The following OTUD7A variants were observed in gnomAD, a reference collection of about 807,000 sequenced individuals.
OTUD7A encodes the protein OTU deubiquitinase 7A, also known as OTU domain-containing protein 7A.
A neutral mutation model predicts 65.7 loss-of-function variants in OTUD7A; 12 were observed. That is an observed-to-expected ratio of 0.18 (90% CI 0.12 to 0.30). The LOEUF (loss-of-function observed/expected upper bound fraction) is 0.30, where lower values mean the gene tolerates loss of function less well. Among genes scored for constraint, OTUD7A ranks in the 10% least tolerant of loss-of-function variants. OTUD7A has a pLI of 1.00. For synonymous variants in OTUD7A, 641 were observed against 586.3 expected (o/e 1.09, Z -1.35); for missense variants, 1,148 against 1,304.8 (o/e 0.88, Z 1.85).
At chr15:31,656,896 T>G (rs1892009332) in intron 2 of OTUD7A, 87 bp downstream of exon 2, 1 of 152,570 alleles carries the variant, frequency 6.6e-6, no homozygotes, top group African/African-American at 2.4e-5. Flanking sequence ...CTCAGAGACA[T>G]TCACTGTGAC....
At position 31,797,765 on chromosome 15, in the gene OTUD7A, C is replaced by T. The variant is rs145859249; in HGVS notation, c.-100+72742G>A. Among the ~76,000 whole-genome samples the T allele has an allele frequency of 1.5e-3, 225 of 152,356 alleles. 1 individual carries two copies. Among genetic ancestry groups the T allele is most frequent in the Middle Eastern group, 0.014 (4 of 294 alleles). On this transcript the variant is annotated intron_variant, in intron 1 of 12. Coordinates refer to ENST00000307050, the MANE Select transcript of OTUD7A (RefSeq NM_001382637.1). Reference sequence around the variant, plus strand: ...CGTGTTCCTATTGCCACTGCCCCAACGAGTGGTCCCTGTGTGTGCTGCTTC... The same window carrying T: ...CGTGTTCCTATTGCCACTGCCCCAATGAGTGGTCCCTGTGTGTGCTGCTTC...
intron 3 of OTUD7A, among the ~76,000 whole-genome samples, chr15:31,604,405 G>T (rs1311682149): frequency 6.6e-6 from 1 of 152,072 alleles, no homozygotes; most frequent in East Asian, 1.9e-4. Context: ...GAGAACACAT[G>T]GACACACAGA....
intron 1 of OTUD7A, among the ~76,000 whole-genome samples, chr15:31,776,476 C>A (rs1895383550): frequency 6.6e-6 from 1 of 152,094 alleles, no homozygotes; most frequent in Non-Finnish European, 1.5e-5. Context: ...GCACATGGCC[C>A]CTCCCGACTC....
chr15:31,583,535 C>G (rs1408578656), intron 3 of OTUD7A, among the ~76,000 whole-genome samples: 8 of 151,912 alleles, frequency 5.3e-5, no homozygotes, highest in Non-Finnish European at 1.5e-5. Context: ...TGGTTTCCCC[C>G]ATACTGTTCT....
At chr15:31,708,230 C>T (rs141838054) in intron 1 of OTUD7A, among the ~76,000 whole-genome samples, 6,564 of 152,058 alleles carry the variant, frequency 0.043, 460 homozygotes, top group African/African-American at 0.15. Context: ...TTCTAACATC[C>T]GGTGGTGGTA....
chr15:31,694,908 C>T (rs1269245775), intron 1 of OTUD7A, among the ~76,000 whole-genome samples: 4 of 151,656 alleles, frequency 2.6e-5, no homozygotes, highest in Non-Finnish European at 5.9e-5. Flanking sequence ...TGCAGTGGCG[C>T]GATCTCGGCT....
intron 3 of OTUD7A, among the ~76,000 whole-genome samples, chr15:31,620,213 T>C (rs2141235023): frequency 6.6e-6 from 1 of 152,186 alleles, no homozygotes; most frequent in East Asian, 1.9e-4. Context: ...ATCAGGGATA[T>C]TAGTCTAAAA....
At chr15:31,641,480 G>C (rs1279169409) in intron 3 of OTUD7A, among the ~76,000 whole-genome samples, 1 of 152,132 alleles carries the variant, frequency 6.6e-6, no homozygotes, top group Admixed American at 6.5e-5. Context: ...TACATAAAAA[G>C]CTGGCTTGGA....
intron 3 of OTUD7A, 107 bp from the exon 4 acceptor site, chr15:31,570,304 T>A: frequency 7.7e-7 from 1 of 1,294,962 alleles, no homozygotes; most frequent in Non-Finnish European, 1.1e-6. Context: ...CATAAACTAA[T>A]GAATTTTTAC....
intron 1 of OTUD7A, among the ~76,000 whole-genome samples, chr15:31,661,643 A>C (rs3859013): frequency 6.6e-6 from 1 of 151,974 alleles, no homozygotes; most frequent in African/African-American, 2.4e-5. Context: ...CAGATAACAC[A>C]TTATTTCATC....
intron 1 of OTUD7A, among the ~76,000 whole-genome samples, chr15:31,834,015 G>T (rs1896996775): frequency 1.3e-5 from 2 of 152,214 alleles, no homozygotes; most frequent in South Asian, 4.1e-4. Context: ...CAGTTTAGCT[G>T]CTGTAAAGCT....
At chr15:31,800,297 C>T (rs1896085806) in intron 1 of OTUD7A, among the ~76,000 whole-genome samples, 1 of 152,104 alleles carries the variant, frequency 6.6e-6, no homozygotes, top group Admixed American at 6.5e-5. Context: ...GCAAAAAGCC[C>T]GGGAGGCCTG....
chr15:31,788,298 G>T (rs1183720831), intron 1 of OTUD7A, among the ~76,000 whole-genome samples: 2 of 152,150 alleles, frequency 1.3e-5, no homozygotes, highest in African/African-American at 2.4e-5. Flanking sequence ...ACAAACCACA[G>T]GAACCCACAA....
At chr15:31,808,024 CAT>C (rs1395813845) in intron 1 of OTUD7A, among the ~76,000 whole-genome samples, 2 of 151,466 alleles carry the variant, frequency 1.3e-5, no homozygotes, top group Admixed American at 6.6e-5. Context: ...AGCACTTTTA[CAT>C]AGAGGAGGGG....
At chr15:31,731,362 A>AT (rs1271662778) in intron 1 of OTUD7A, among the ~76,000 whole-genome samples, 1 of 152,244 alleles carries the variant, frequency 6.6e-6, no homozygotes, top group Non-Finnish European at 1.5e-5. Context: ...ACTGTGGTAC[A>AT]TACAGACAAT....
rs1247007230 is a variant in OTUD7A at position 31,574,431 on chromosome 15, T to C, written c.152-4234A>G. Among the ~76,000 whole-genome samples the C allele has an allele frequency of 2.0e-5, 3 of 152,210 alleles. No homozygotes were observed. The East Asian group carries it at 5.8e-4, about 29-fold the overall frequency. ...AAAAAGAAAGATGAATCATTTGCTG[T>C]ATATAAGAGACACACCTAGAGCAAA... On this transcript the variant is annotated intron_variant, in intron 3 of 12. Coordinates refer to ENST00000307050, the MANE Select transcript of OTUD7A (RefSeq NM_001382637.1).
At chr15:31,863,249 T>G (rs1897791561) in intron 1 of OTUD7A, among the ~76,000 whole-genome samples, 2 of 152,202 alleles carry the variant, frequency 1.3e-5, no homozygotes, top group African/African-American at 4.8e-5. Context: ...TGCAAAGTGT[T>G]GGTGGATCTC....
intron 1 of OTUD7A, among the ~76,000 whole-genome samples, chr15:31,773,467 T>C (rs1895292881): frequency 6.6e-6 from 1 of 152,208 alleles, no homozygotes; most frequent in Non-Finnish European, 1.5e-5. Context: ...ATGGAATGTC[T>C]GGGGTCCCCG....
intron 9 of OTUD7A, 79 bp from the exon 10 acceptor site, chr15:31,501,918 T>C: frequency 6.8e-7 from 1 of 1,467,586 alleles, no homozygotes; most frequent in Non-Finnish European, 9.3e-7. Context: ...TCCCTGTCCC[T>C]CACTACCCCG....
Sources: gnomAD v4.1 joint callset for allele counts (sites outside exome capture counted in the v4.1 genomes callset) on GRCh38, gnomAD v4.1.1 for gene constraint, MANE v1.5 for transcripts, NCBI Gene and HGNC (gene_info 2026-07-23, HGNC 2026-07-21) for gene names.